The following SLC4A4 variants were observed in gnomAD, a reference collection of about 807,000 sequenced individuals.
The protein encoded by SLC4A4 is solute carrier family 4 member 4.
A neutral mutation model predicts 111.5 loss-of-function variants in SLC4A4; 27 were observed. The ratio of observed to expected loss-of-function variants is 0.24; its 90% CI spans 0.18 to 0.33. SLC4A4 has a LOEUF of 0.33. Ranked by LOEUF, SLC4A4 falls within the 10% of genes least tolerant of loss-of-function variation. SLC4A4 has a pLI of 1.00. For missense variants in SLC4A4, 909 were observed against 1,315.5 expected, an observed-to-expected ratio of 0.69 and a Z score of 4.78; for synonymous variants, 443 against 463.4, an observed-to-expected ratio of 0.96 and a Z score of 0.57.
At chr4:71,483,457 G>A (rs1729074497) in intron 14 of SLC4A4, among the ~76,000 whole-genome samples, 1 of 151,812 alleles carries the variant, frequency 6.6e-6, no homozygotes, top group African/African-American at 2.4e-5. Context: ...CGTTTGCTAA[G>A]GATAATGGCC....
At chr4:71,279,361 T>G (rs1293866020) in intron 3 of SLC4A4, among the ~76,000 whole-genome samples, 1 of 152,214 alleles carries the variant, frequency 6.6e-6, no homozygotes, top group African/African-American at 2.4e-5. Flanking sequence ...TGTGCCTGGC[T>G]TATTCCACTA....
At chr4:71,155,314 G>A (rs1331607951) in intron 2 of SLC4A4, among the ~76,000 whole-genome samples, 1 of 151,906 alleles carries the variant, frequency 6.6e-6, no homozygotes, top group African/African-American at 2.4e-5. Flanking sequence ...TTTGAATTAA[G>A]GTATCTCCAT....
chr4:71,363,426 T>C (rs1449920195), intron 6 of SLC4A4, among the ~76,000 whole-genome samples: 1 of 152,168 alleles, frequency 6.6e-6, no homozygotes, highest in Non-Finnish European at 1.5e-5. Flanking sequence ...TTAGAAATTC[T>C]TCACTTTTTG....
chr4:71,102,172 C>T (rs1742765618), intron 2 of SLC4A4, among the ~76,000 whole-genome samples: 1 of 151,376 alleles, frequency 6.6e-6, no homozygotes, highest in Non-Finnish European at 1.5e-5. Flanking sequence ...AGGGTATCAG[C>T]AATGGAAGAT....
chr4:71,491,111 A>T (rs1729862804), intron 15 of SLC4A4, among the ~76,000 whole-genome samples: 1 of 151,754 alleles, frequency 6.6e-6, no homozygotes, highest in Non-Finnish European at 1.5e-5. Flanking sequence ...AATCCCAATC[A>T]CAAGCAGAAC....
chr4:71,497,007 A>G (rs1250881917), intron 15 of SLC4A4, among the ~76,000 whole-genome samples: 1 of 152,156 alleles, frequency 6.6e-6, no homozygotes, highest in Non-Finnish European at 1.5e-5. Flanking sequence ...TTAGAAAAGA[A>G]ACAGAATAGT....
chr4:71,129,784 CAA>C (rs35737857), intron 2 of SLC4A4, among the ~76,000 whole-genome samples: 42,979 of 76,804 alleles, frequency 0.56, 9,614 homozygotes, highest in Admixed American at 0.67. Flanking sequence ...TACCATGCAC[CAA>C]AAAAAAAAAA....
chr4:71,258,804 C>T (rs894405289), intron 3 of SLC4A4, among the ~76,000 whole-genome samples: 6 of 152,188 alleles, frequency 3.9e-5, no homozygotes, highest in African/African-American at 9.6e-5. Flanking sequence ...TTTTGTCTAT[C>T]GCCAAAGTGG....
At chr4:71,360,204 G>GT (rs1730647558) in intron 6 of SLC4A4, among the ~76,000 whole-genome samples, 1 of 152,142 alleles carries the variant, frequency 6.6e-6, no homozygotes, top group Non-Finnish European at 1.5e-5. Flanking sequence ...CTGTATGGTG[G>GT]TAGAAATACT....
intron 3 of SLC4A4, among the ~76,000 whole-genome samples, chr4:71,303,020 T>A (rs1703091729): frequency 6.6e-6 from 1 of 152,254 alleles, no homozygotes; most frequent in Admixed American, 6.5e-5. Flanking sequence ...GCTTACCATC[T>A]GCCATTAAGG....
chr4:71,341,648 A>C (rs1433564928), intron 4 of SLC4A4, among the ~76,000 whole-genome samples: 1 of 152,096 alleles, frequency 6.6e-6, no homozygotes, highest in Non-Finnish European at 1.5e-5. Flanking sequence ...GATTTTTTGT[A>C]GTTTAGTTAC....
intron 2 of SLC4A4, among the ~76,000 whole-genome samples, chr4:71,102,439 C>T (rs1200484812): frequency 5.9e-5 from 9 of 151,312 alleles, no homozygotes; most frequent in African/African-American, 1.7e-4. Context: ...ACATACTCCT[C>T]GAGAAGAGCA....
chr4:71,488,203 G>A (rs1729593100), intron 15 of SLC4A4, among the ~76,000 whole-genome samples: 1 of 149,792 alleles, frequency 6.7e-6, no homozygotes, highest in Admixed American at 6.7e-5. Context: ...AAGTTAATTT[G>A]TAATAAATAT....
upstream of SLC4A4, among the ~76,000 whole-genome samples, chr4:71,183,539 G>A (rs947016389): frequency 1.3e-5 from 2 of 152,166 alleles, no homozygotes; most frequent in African/African-American, 4.8e-5. Flanking sequence ...TGGAGTGTAA[G>A]TGAAACAAAA....
At chr4:71,193,123 T>G (rs1375715506) in intron 1 of SLC4A4, among the ~76,000 whole-genome samples, 3 of 152,216 alleles carry the variant, frequency 2.0e-5, no homozygotes, top group Non-Finnish European at 4.4e-5. Flanking sequence ...TTGTTTCCAG[T>G]TTTTGGCCAT....
At chr4:71,462,907 G>C (rs1726975075) in intron 12 of SLC4A4, among the ~76,000 whole-genome samples, 1 of 152,150 alleles carries the variant, frequency 6.6e-6, no homozygotes, top group South Asian at 2.1e-4. Flanking sequence ...ATGTCTATCT[G>C]GGATTGTCTA....
intron 20 of SLC4A4, among the ~76,000 whole-genome samples, chr4:71,551,761 A>G (rs1199997879): frequency 2.0e-5 from 3 of 151,886 alleles, no homozygotes; most frequent in African/African-American, 7.3e-5. Flanking sequence ...CAGTCCTTTC[A>G]TGTGCAGATA....
At chr4:71,080,494 G>C (rs1017337397) in intron 1 of SLC4A4, among the ~76,000 whole-genome samples, 3 of 152,100 alleles carry the variant, frequency 2.0e-5, no homozygotes, top group Non-Finnish European at 4.4e-5. Context: ...CATGTAAAAG[G>C]ATGAGTGTTT....
At chr4:71,269,775 T>TA (rs1276907172) in intron 3 of SLC4A4, among the ~76,000 whole-genome samples, 5 of 152,212 alleles carry the variant, frequency 3.3e-5, no homozygotes, top group African/African-American at 4.8e-5. Flanking sequence ...CAAAATTTGT[T>TA]AAAAAACTAT....
Sources: gnomAD v4.1 joint callset for allele counts (sites outside exome capture counted in the v4.1 genomes callset) on GRCh38, gnomAD v4.1.1 for gene constraint, MANE v1.5 for transcripts, NCBI Gene and HGNC (gene_info 2026-07-23, HGNC 2026-07-21) for gene names.